CLUL1: variants seen among roughly 807,000 people sequenced by gnomAD.
The protein encoded by CLUL1 is clusterin like 1.
Under a neutral mutation model 49.4 loss-of-function variants are expected in CLUL1, and 43 were observed. That is an observed-to-expected ratio of 0.87 (90% CI 0.68 to 1.12). The LOEUF is 1.12. Among genes scored for constraint, CLUL1 ranks in the 50% most tolerant of loss-of-function variants. The pLI is 0.00. For missense variants in CLUL1, 486 were observed against 544.4 expected, an observed-to-expected ratio of 0.89 and a Z score of 1.07; for synonymous variants, 192 against 184.9, an observed-to-expected ratio of 1.04 and a Z score of -0.31.
At chr18:607,470 G>T (rs1057028457) in intron 2 of CLUL1, among the ~76,000 whole-genome samples, 6 of 152,106 alleles carry the variant, frequency 3.9e-5, no homozygotes, top group Admixed American at 3.9e-4. Context: ...GTCTAGCTCT[G>T]TTGCCTGGGC....
At position 624,880 on chromosome 18, in the gene CLUL1, C is replaced by T. The variant is rs200631992; in HGVS notation, c.271C>T (p.Leu91=). 10 of 1,613,652 alleles carry T rather than the reference C, an allele frequency of 6.2e-6. No individual in the cohort carries two copies. Among genetic ancestry groups the T allele is most frequent in the Admixed American group, 1.7e-5 (1 of 59,888 alleles). Residue 91 remains leucine (L), a synonymous_variant, in exon 5 of 10, where the codon CTG becomes TTG. Transcript: ENST00000692774. Reference sequence around the variant, plus strand: ...TTTTAACTAGGAGGCCCTGAAACTTCTGAATGAAGTTCAAGAACATCTGGA... The same window carrying T: ...TTTTAACTAGGAGGCCCTGAAACTTTTGAATGAAGTTCAAGAACATCTGGA... ...REEKQEALKL[L]NEVQEHLEEE...
chr18:603,963 C>T (rs1366477578), intron 1 of CLUL1, among the ~76,000 whole-genome samples: 2 of 152,206 alleles, frequency 1.3e-5, no homozygotes, highest in Non-Finnish European at 2.9e-5. Flanking sequence ...TCATTGCAGC[C>T]TCCACCTCCT....
chr18:628,771 A>G (rs933869738), intron 6 of CLUL1, among the ~76,000 whole-genome samples: 2 of 150,744 alleles, frequency 1.3e-5, no homozygotes, highest in Non-Finnish European at 2.9e-5. Flanking sequence ...AGTGGGGATT[A>G]CAGGTGCCCG....
rs537835074 is a variant in CLUL1 at position 646,709 on chromosome 18, C to T, written c.1397+1612C>T. Among the ~76,000 whole-genome samples, 5 of 151,774 alleles carry T rather than the reference C, an allele frequency of 3.3e-5. No homozygotes were observed. The South Asian group carries it at 1.0e-3, about 32-fold the overall frequency. ...CTCCTCTCTTTTCCTCTTTCTTCTC[C>T]CTCCTCCCACTCTGTCCTCTCCCTT... On this transcript the variant is annotated intron_variant, in intron 9 of 9. Transcript: ENST00000692774.
chr18:626,929 A>G (rs1350700861), intron 5 of CLUL1, among the ~76,000 whole-genome samples, 168 bp from the exon 6 acceptor site: 4 of 1,028 alleles, frequency 3.9e-3, no homozygotes, highest in African/African-American at 4.4e-3. Context: ...GAAAGAAAGA[A>G]GGAAAGAAGG....
chr18:603,805 C>A (rs1289056425), intron 1 of CLUL1, among the ~76,000 whole-genome samples: 1 of 152,178 alleles, frequency 6.6e-6, no homozygotes, highest in South Asian at 2.1e-4. Context: ...CCCCTGGGAA[C>A]AACTAATCTG....
chr18:643,283 T>C (rs944299029), intron 8 of CLUL1, among the ~76,000 whole-genome samples: 4 of 152,174 alleles, frequency 2.6e-5, no homozygotes, highest in Admixed American at 1.3e-4. Flanking sequence ...TTTTGAATCA[T>C]GATGTCAAGT....
chr18:642,482 A>G (rs1223175140), intron 8 of CLUL1, among the ~76,000 whole-genome samples: 4 of 152,152 alleles, frequency 2.6e-5, no homozygotes, highest in Non-Finnish European at 4.4e-5. Context: ...CACCTATACC[A>G]TGACTCCCAG....
intron 7 of CLUL1, among the ~76,000 whole-genome samples, chr18:636,264 A>G (rs1407934710): frequency 6.6e-6 from 1 of 152,234 alleles, no homozygotes; most frequent in Admixed American, 6.5e-5. Context: ...AAAAATCATA[A>G]GTTGAACCAT....
At chr18:605,022 G>A (rs552464131) in intron 1 of CLUL1, among the ~76,000 whole-genome samples, 1 of 152,152 alleles carries the variant, frequency 6.6e-6, no homozygotes, top group Non-Finnish European at 1.5e-5. Flanking sequence ...GAGGTTCTCC[G>A]GGGACCCTTC....
At chr18:627,886 TGATCTTGGCTC>T (rs2073858233) in intron 6 of CLUL1, among the ~76,000 whole-genome samples, 1 of 152,154 alleles carries the variant, frequency 6.6e-6, no homozygotes, top group Non-Finnish European at 1.5e-5. Flanking sequence ...TACAGTGGTG[TGATCTTGGCTC>T]ACTGCAACCT....
chr18:610,075 T>C (rs1371163077), intron 2 of CLUL1, among the ~76,000 whole-genome samples: 2 of 123,708 alleles, frequency 1.6e-5, no homozygotes, highest in Non-Finnish European at 3.7e-5. Flanking sequence ...AACGATTCAT[T>C]CCTCTATGTT....
In CLUL1 at chr18:649,939, A is replaced by C. The variant is rs1409674167; in HGVS notation, c.*38A>C. 2.3e-6 allele frequency: 3 copies of C among 1,283,220 alleles called. No homozygotes were observed. The highest frequency in any genetic ancestry group is 1.3e-5 in the South Asian group (1 of 76,266). 79.5% of individuals were successfully genotyped at this position (1,283,220 alleles called of 1,614,324 possible). ...CATCCTATATCCAGTAAGTAGAATTATCTCTTCATCTGGGACCTGGAAATC... is the reference window on the plus strand; with the variant it reads ...CATCCTATATCCAGTAAGTAGAATTCTCTCTTCATCTGGGACCTGGAAATC... On this transcript the variant is annotated 3_prime_UTR_variant, in exon 10 of 10. Coordinates refer to ENST00000692774, the MANE Select transcript of CLUL1 (RefSeq NM_001393344.1).
intron 4 of CLUL1, among the ~76,000 whole-genome samples, chr18:622,652 T>G (rs1219416333): frequency 2.6e-5 from 4 of 152,214 alleles, no homozygotes; most frequent in Admixed American, 6.5e-5. Context: ...ACCTGTGATT[T>G]GGTAACTGTT....
At chr18:608,855 A>C (rs141154661) in intron 2 of CLUL1, among the ~76,000 whole-genome samples, 1 of 152,238 alleles carries the variant, frequency 6.6e-6, no homozygotes, top group Non-Finnish European at 1.5e-5. Flanking sequence ...CTGTTGATCT[A>C]TTTATAAGAC....
chr18:610,618 G>T lies in CLUL1; in HGVS notation c.-14+3519G>T, dbSNP rs114013936. Among the ~76,000 whole-genome samples the T allele has an allele frequency of 5.0e-3, 763 of 152,296 alleles. 7 individuals carry two copies. Among genetic ancestry groups the T allele is most frequent in the African/African-American group, 0.018 (730 of 41,570 alleles). On this transcript the variant is annotated intron_variant, in intron 2 of 9. Transcript: ENST00000692774. ...AGAGCACCCAGGACAAAGCCCCAGG[G>T]AAGAGAAACATCTGACGGAGGACAG...
At chr18:630,352 G>T (rs540678094) in intron 6 of CLUL1, among the ~76,000 whole-genome samples, 3 of 151,968 alleles carry the variant, frequency 2.0e-5, no homozygotes, top group Non-Finnish European at 4.4e-5. Context: ...CAAATGATCC[G>T]CCCACCTCGG....
At chr18:616,799 A>G in intron 2 of CLUL1, 1 of 439,958 alleles carries the variant, frequency 2.3e-6, no homozygotes, top group Non-Finnish European at 3.0e-6. Flanking sequence ...TTGTTTTGTA[A>G]ATAGAGTAAT....
intron 1 of CLUL1, chr18:598,411 TA>T (rs2072720008): frequency 2.5e-6 from 1 of 396,002 alleles, no homozygotes; most frequent in East Asian, 3.6e-5. Flanking sequence ...GGTCTGAATT[TA>T]GACGCTTTGT....
Sources: allele counts gnomAD v4.1 joint callset (sites outside exome capture counted in the v4.1 genomes callset), GRCh38; gene constraint gnomAD v4.1.1; transcripts MANE v1.5; gene names NCBI Gene and HGNC (gene_info 2026-07-23, HGNC 2026-07-21).